Variants in CIRSR observed in about 807,000 individuals in gnomAD.
CIRSR encodes CBF1 (RBPJ) interacting corepressor 1.
At chr2:174,352,591 AT>A in the CIRSR span, among the ~76,000 whole-genome samples, 17 of 151,940 alleles carry the variant, frequency 1.1e-4, no homozygotes, top group African/African-American at 2.4e-4. Flanking sequence ...TAAATAAATA[AT>A]TTTTTTTTAA....
the CIRSR span, among the ~76,000 whole-genome samples, chr2:174,386,154 C>T: frequency 2.1e-3 from 325 of 152,226 alleles, no homozygotes; most frequent in Middle Eastern, 0.01. Context: ...TATGTTTTTA[C>T]TATTAATAAT....
chr2:174,349,039 T>C, the CIRSR span: 1 of 1,598,044 alleles, frequency 6.3e-7, no homozygotes, highest in Non-Finnish European at 8.5e-7. Context: ...GAAGTCTCAG[T>C]AGAGGAAGAG....
At chr2:174,354,712 TATA>T in the CIRSR span, among the ~76,000 whole-genome samples, 5 of 104,138 alleles carry the variant, frequency 4.8e-5, no homozygotes, top group Non-Finnish European at 7.3e-5. Flanking sequence ...TTATATATAA[TATA>T]ATATATATTA....
At chr2:174,350,577 G>T in the CIRSR span, 1 of 792,224 alleles carries the variant, frequency 1.3e-6, no homozygotes, top group Non-Finnish European at 2.0e-6. Context: ...ACCTTCATGA[G>T]CTCTTAGGAT....
chr2:174,368,407 G>C, the CIRSR span, among the ~76,000 whole-genome samples: 2 of 152,190 alleles, frequency 1.3e-5, no homozygotes, highest in Non-Finnish European at 2.9e-5. Context: ...CCAGAAATCA[G>C]TAACAGAAAG....
At chr2:174,377,404 C>CTGGG in the CIRSR span, among the ~76,000 whole-genome samples, 1 of 152,144 alleles carries the variant, frequency 6.6e-6, no homozygotes, top group African/African-American at 2.4e-5. Context: ...GGTACCTGTA[C>CTGGG]TGGGGTATCA....
the CIRSR span, among the ~76,000 whole-genome samples, chr2:174,383,849 C>CAAAAAAAAAAAAAA: frequency 8.2e-6 from 1 of 121,470 alleles, no homozygotes; most frequent in African/African-American, 3.2e-5. Context: ...AGCTATCTTC[C>CAAAAAAAAAAAAAA]AAAAAAAAAA....
At chr2:174,350,637 T>C in the CIRSR span, 2 of 1,463,074 alleles carry the variant, frequency 1.4e-6, no homozygotes, top group African/African-American at 1.4e-5. Context: ...AATAAATCTA[T>C]TAAATATATA....
At chr2:174,386,299 A>G in the CIRSR span, among the ~76,000 whole-genome samples, 1 of 152,140 alleles carries the variant, frequency 6.6e-6, no homozygotes, top group South Asian at 2.1e-4. Context: ...CTCCTGCCTC[A>G]GCCTCCTGAG....
the CIRSR span, chr2:174,350,815 C>T: frequency 8.8e-7 from 1 of 1,142,550 alleles, no homozygotes; most frequent in South Asian, 1.5e-5. Flanking sequence ...AAAAAGAAAA[C>T]ATTTATAAAT....
the CIRSR span, among the ~76,000 whole-genome samples, chr2:174,378,401 A>G: frequency 4.6e-5 from 7 of 152,252 alleles, no homozygotes; most frequent in Non-Finnish European, 1.0e-4. Flanking sequence ...TCTCAGTTTA[A>G]TATCTCTTTA....
At chr2:174,381,393 G>A in the CIRSR span, among the ~76,000 whole-genome samples, 5 of 152,106 alleles carry the variant, frequency 3.3e-5, no homozygotes, top group East Asian at 9.6e-4. Flanking sequence ...GGTGGCTCAC[G>A]CTTGTAATCC....
the CIRSR span, among the ~76,000 whole-genome samples, chr2:174,376,685 C>G: frequency 2.0e-5 from 3 of 151,620 alleles, no homozygotes; most frequent in Non-Finnish European, 4.4e-5. Context: ...GTAGTCCCAG[C>G]TACTCGGGAG....
the CIRSR span, among the ~76,000 whole-genome samples, chr2:174,352,115 G>A: frequency 6.6e-6 from 1 of 152,038 alleles, no homozygotes; most frequent in Admixed American, 6.6e-5. Flanking sequence ...AAAGGTACAT[G>A]AGGAATTTAT....
At chr2:174,382,797 A>T in the CIRSR span, among the ~76,000 whole-genome samples, 1 of 152,212 alleles carries the variant, frequency 6.6e-6, no homozygotes, top group Non-Finnish European at 1.5e-5. Flanking sequence ...CTTTTTAGAA[A>T]AAAAAAGCTC....
the CIRSR span, among the ~76,000 whole-genome samples, chr2:174,385,863 G>A: frequency 6.6e-6 from 1 of 151,994 alleles, no homozygotes; most frequent in Non-Finnish European, 1.5e-5. Context: ...AATGTAGAGG[G>A]AATGATAGAA....
the CIRSR span, among the ~76,000 whole-genome samples, chr2:174,393,820 C>T: frequency 6.6e-6 from 1 of 152,092 alleles, no homozygotes; most frequent in Admixed American, 6.6e-5. Flanking sequence ...TAAACATATC[C>T]ATCACCTCCA....
chr2:174,373,804 T>G, the CIRSR span, among the ~76,000 whole-genome samples: 1 of 143,688 alleles, frequency 7.0e-6, no homozygotes, highest in African/African-American at 2.5e-5. Flanking sequence ...ATTACCACCT[T>G]TCCTTTTCCT....
the CIRSR span, among the ~76,000 whole-genome samples, chr2:174,363,712 G>A: frequency 1.4e-3 from 218 of 152,316 alleles, 1 homozygote; most frequent in African/African-American, 5.0e-3. Context: ...CAGGCAAAGA[G>A]AGAGAGCTTG....
Sources: allele counts gnomAD v4.1 joint callset (sites outside exome capture counted in the v4.1 genomes callset), GRCh38; gene constraint gnomAD v4.1.1; transcripts MANE v1.5; gene names NCBI Gene and HGNC (gene_info 2026-07-23, HGNC 2026-07-21).